The following RMST variants were observed in gnomAD, a reference collection of about 807,000 sequenced individuals.
RMST encodes the protein long intergenic non-protein coding RNA 54.
intron 10 of RMST, among the ~76,000 whole-genome samples, chr12:97,511,715 C>CA (rs1314146682): frequency 2.0e-5 from 3 of 152,248 alleles, no homozygotes; most frequent in Non-Finnish European, 4.4e-5. Flanking sequence ...TAACTAATTA[C>CA]AGCAGCATTA....
intron 11 of RMST, among the ~76,000 whole-genome samples, chr12:97,557,512 A>G (rs948756794): frequency 2.6e-5 from 4 of 152,208 alleles, no homozygotes; most frequent in African/African-American, 9.6e-5. Context: ...AAACCCTTTC[A>G]GAACACAGAA....
chr12:97,472,412 C>T lies in RMST; in HGVS notation n.644+6685C>T, dbSNP rs1035703814. ...AATGCCAGTATAAACAGGCAGATCG[C>T]CTTAAAGACTCAGATCCATTTTATT... On this transcript the variant is annotated intron_variant and non_coding_transcript_variant, in intron 5 of 13. Coordinates refer to ENST00000640149, the Ensembl canonical transcript of RMST. Among the ~76,000 whole-genome samples the T allele has an allele frequency of 5.6e-4, 85 of 152,000 alleles. 2 individuals are homozygous for T. Among genetic ancestry groups the T allele is most frequent in the Admixed American group, 5.6e-3 (85 of 15,220 alleles).
At chr12:97,480,571 GC>G (rs756165777) in intron 5 of RMST, among the ~76,000 whole-genome samples, 3 of 152,140 alleles carry the variant, frequency 2.0e-5, no homozygotes, top group Non-Finnish European at 2.9e-5. Context: ...CCTGCTGTGT[GC>G]AAGCTTAAAA....
In RMST at chr12:97,543,839, T is replaced by C. The variant is rs201359514; in HGVS notation, n.1545+12980T>C. ...TTGTTAAAATGTGGCTTCTGGGGTT[T>C]GAAAATAAGTCATCTCAGGAATGTA... On this transcript the variant is annotated intron_variant and non_coding_transcript_variant, in intron 11 of 13. Coordinates refer to ENST00000640149, the Ensembl canonical transcript of RMST. Among the ~76,000 whole-genome samples, 4 of 152,046 alleles carry C rather than the reference T, an allele frequency of 2.6e-5. No individual in the cohort carries two copies. In the East Asian group the frequency reaches 7.7e-4, roughly 29 times the overall value.
intron 10 of RMST, among the ~76,000 whole-genome samples, chr12:97,523,520 A>G (rs1880725488): frequency 6.6e-6 from 1 of 152,256 alleles, no homozygotes; most frequent in African/African-American, 2.4e-5. Context: ...GGTGATGGAT[A>G]TGCTAAATAC....
chr12:97,525,377 G>A (rs1343010315), intron 10 of RMST, among the ~76,000 whole-genome samples: 1 of 152,072 alleles, frequency 6.6e-6, no homozygotes, highest in Non-Finnish European at 1.5e-5. Flanking sequence ...ATTAGCGGGT[G>A]GATCATGGCC....
chr12:97,500,156 A>C (rs774991903), intron 10 of RMST, among the ~76,000 whole-genome samples: 6 of 152,188 alleles, frequency 3.9e-5, no homozygotes, highest in Admixed American at 3.9e-4. Flanking sequence ...TCCCAGCATT[A>C]TATCATTCAA....
At chr12:97,504,777 T>C (rs1056344786) in intron 10 of RMST, among the ~76,000 whole-genome samples, 1 of 152,200 alleles carries the variant, frequency 6.6e-6, no homozygotes, top group Non-Finnish European at 1.5e-5. Flanking sequence ...TCCTAATGCA[T>C]ATGGTTTCAG....
At chr12:97,498,323 T>C (rs1305165803) in intron 10 of RMST, among the ~76,000 whole-genome samples, 1 of 152,208 alleles carries the variant, frequency 6.6e-6, no homozygotes, top group Non-Finnish European at 1.5e-5. Context: ...ATATGGTGGT[T>C]GAACCAGAAT....
intron 11 of RMST, among the ~76,000 whole-genome samples, chr12:97,536,715 A>G (rs1396131716): frequency 6.6e-6 from 1 of 151,514 alleles, no homozygotes; most frequent in African/African-American, 2.4e-5. Context: ...AGTCTGAAGG[A>G]GGAAAAAGAA....
chr12:97,513,099 G>A (rs138939768), intron 10 of RMST, among the ~76,000 whole-genome samples: 55 of 152,292 alleles, frequency 3.6e-4, no homozygotes, highest in African/African-American at 7.9e-4. Flanking sequence ...CGCGCAGCCC[G>A]GGTTCCCACC....
chr12:97,495,592 C>G (rs368934154), intron 9 of RMST, among the ~76,000 whole-genome samples: 105 of 152,130 alleles, frequency 6.9e-4, no homozygotes, highest in Middle Eastern at 6.8e-3. Flanking sequence ...ACTAAAATCC[C>G]TCATAATATA....
At chr12:97,504,559 G>A (rs1313431468) in intron 10 of RMST, among the ~76,000 whole-genome samples, 1 of 151,830 alleles carries the variant, frequency 6.6e-6, no homozygotes, top group African/African-American at 2.4e-5. Context: ...AGCATTATTA[G>A]CTCAATGATC....
intron 5 of RMST, among the ~76,000 whole-genome samples, chr12:97,475,488 A>G (rs998226556): frequency 1.3e-5 from 2 of 152,080 alleles, no homozygotes; most frequent in Non-Finnish European, 2.9e-5. Context: ...TACTACGACC[A>G]TGGACCAATT....
intron 5 of RMST, among the ~76,000 whole-genome samples, chr12:97,480,339 C>T (rs994087518): frequency 6.6e-6 from 1 of 152,164 alleles, no homozygotes; most frequent in Non-Finnish European, 1.5e-5. Context: ...ATCTGCCCGC[C>T]TCAGCCTTCC....
At chr12:97,465,276 T>C (rs534428417) in intron 4 of RMST, among the ~76,000 whole-genome samples, 136 of 152,312 alleles carry the variant, frequency 8.9e-4, no homozygotes, top group African/African-American at 3.1e-3. Flanking sequence ...CTCTGTCGCC[T>C]TCAGTCGCAG....
At chr12:97,542,709 T>C (rs974482639) in intron 11 of RMST, among the ~76,000 whole-genome samples, 1 of 152,068 alleles carries the variant, frequency 6.6e-6, no homozygotes. Context: ...CTAATTGACA[T>C]GGGGTTGTTG....
chr12:97,539,879 T>A (rs1882368148), intron 11 of RMST, among the ~76,000 whole-genome samples: 1 of 151,576 alleles, frequency 6.6e-6, no homozygotes, highest in Admixed American at 6.6e-5. Flanking sequence ...TATTAAGGAT[T>A]TATCATTTGT....
chr12:97,528,323 T>C (rs1373219067), intron 10 of RMST, among the ~76,000 whole-genome samples: 2 of 152,194 alleles, frequency 1.3e-5, no homozygotes, highest in African/African-American at 4.8e-5. Flanking sequence ...GTCTTTCTTA[T>C]TACCATATAA....
Sources: gnomAD v4.1 joint callset for allele counts (sites outside exome capture counted in the v4.1 genomes callset) on GRCh38, gnomAD v4.1.1 for gene constraint, MANE v1.5 for transcripts, NCBI Gene and HGNC (gene_info 2026-07-23, HGNC 2026-07-21) for gene names.